Variants in SLC8A1 observed in about 807,000 individuals in gnomAD.
SLC8A1 encodes the protein solute carrier family 8 member A1.
A neutral mutation model predicts 68.3 loss-of-function variants in SLC8A1; 18 were observed. The ratio of observed to expected loss-of-function variants is 0.26; its 90% CI spans 0.18 to 0.39. The LOEUF (loss-of-function observed/expected upper bound fraction) is 0.39. Ranked by LOEUF, SLC8A1 falls within the 10% of genes least tolerant of loss-of-function variation. The pLI is 1.00. For synonymous variants in SLC8A1, 475 were observed against 415.5 expected, an observed-to-expected ratio of 1.14 and a Z score of -1.74; for missense variants, 985 against 1,156.7, an observed-to-expected ratio of 0.85 and a Z score of 2.15.
chr2:40,510,961 A>G (rs752967198), intron 1 of SLC8A1, among the ~76,000 whole-genome samples: 3 of 152,144 alleles, frequency 2.0e-5, no homozygotes, highest in Non-Finnish European at 4.4e-5. Context: ...AAACCACCAC[A>G]TAAGTAGTCA....
exon 8 of SLC8A1, chr2:40,102,728 G>A (rs1462493150): frequency 6.6e-6 from 1 of 152,136 alleles, no homozygotes; most frequent in Non-Finnish European, 1.5e-5. Context: ...GACATCCGCT[G>A]AAAATGCTTA....
At chr2:40,138,523 A>G (rs774473698) in intron 7 of SLC8A1, among the ~76,000 whole-genome samples, 1 of 152,162 alleles carries the variant, frequency 6.6e-6, no homozygotes, top group Non-Finnish European at 1.5e-5. Flanking sequence ...TCAAGATGCT[A>G]ATTAGTGCTG....
At chr2:40,173,704 G>T (rs1438503169) in intron 4 of SLC8A1, among the ~76,000 whole-genome samples, 1 of 146,976 alleles carries the variant, frequency 6.8e-6, no homozygotes, top group African/African-American at 2.5e-5. Flanking sequence ...TTTTTGTTCA[G>T]ATCTCTGATT....
intron 2 of SLC8A1, among the ~76,000 whole-genome samples, chr2:40,314,097 A>T (rs1267951677): frequency 6.6e-6 from 1 of 152,070 alleles, no homozygotes; most frequent in Non-Finnish European, 1.5e-5. Context: ...AAGTTCTCAA[A>T]GACTTTCTTC....
chr2:40,350,620 A>AAAG (rs1559348315), intron 2 of SLC8A1, among the ~76,000 whole-genome samples: 3 of 128,430 alleles, frequency 2.3e-5, no homozygotes, highest in Non-Finnish European at 4.8e-5. Context: ...AAAAAAAAAA[A>AAAG]GGCATTTCCA....
intron 2 of SLC8A1, among the ~76,000 whole-genome samples, chr2:40,278,229 G>C (rs927034972): frequency 6.6e-6 from 1 of 152,126 alleles, no homozygotes; most frequent in Non-Finnish European, 1.5e-5. Flanking sequence ...CCAGCACTTT[G>C]GGAGGCCGAG....
At chr2:40,446,010 A>C (rs911542961) in intron 1 of SLC8A1, among the ~76,000 whole-genome samples, 2 of 152,212 alleles carry the variant, frequency 1.3e-5, no homozygotes, top group Non-Finnish European at 2.9e-5. Flanking sequence ...ACAGCAGAGA[A>C]CCAAAGGGTG....
At chr2:40,399,595 T>C (rs889124537) in intron 2 of SLC8A1, among the ~76,000 whole-genome samples, 4 of 152,108 alleles carry the variant, frequency 2.6e-5, no homozygotes, top group Non-Finnish European at 5.9e-5. Flanking sequence ...TGAAAAACCA[T>C]CTAAATGCTC....
At position 40,348,808 on chromosome 2, in the gene SLC8A1, T is replaced by A. The variant is rs1219065761; in HGVS notation, c.1808+79665A>T. ...CGGTATTCAGTCTGGAGGAAAGAAG[T>A]GGGTCAGTCTCCCCACAGTCGTAAC... On this transcript the variant is annotated intron_variant, in intron 2 of 7. Transcript: ENST00000406785. Among the ~76,000 whole-genome samples, 3 of 152,248 alleles carry A rather than the reference T, an allele frequency of 2.0e-5. No homozygotes were observed. The East Asian group carries it at 5.8e-4, about 29-fold the overall frequency.
intron 2 of SLC8A1, among the ~76,000 whole-genome samples, chr2:40,418,854 T>C (rs995696526): frequency 3.3e-5 from 5 of 152,156 alleles, no homozygotes; most frequent in African/African-American, 1.2e-4. Context: ...GAGAGCCCTG[T>C]AGTTTTCTTC....
chr2:40,211,589 C>T (rs2056595718), intron 2 of SLC8A1, among the ~76,000 whole-genome samples: 1 of 152,094 alleles, frequency 6.6e-6, no homozygotes, highest in Non-Finnish European at 1.5e-5. Context: ...GAAAAGAATC[C>T]CTCAGGGACA....
rs1301825448 is a variant in SLC8A1 at position 40,428,208 on chromosome 2, G to A, written c.1808+265C>T. Among the ~76,000 whole-genome samples the A allele has an allele frequency of 2.0e-4, 30 of 151,976 alleles. 1 individual carries two copies. Among genetic ancestry groups the A allele is most frequent in the Admixed American group, 2.0e-3 (30 of 15,228 alleles). On this transcript the variant is annotated intron_variant, in intron 2 of 7. Transcript: ENST00000406785. ...GTGTCCCATCACTCATTTTATCATA[G>A]TCACAATGTAGTTAAAATGTGTAAA...
intron 2 of SLC8A1, among the ~76,000 whole-genome samples, chr2:40,344,919 A>G (rs1668785306): frequency 6.6e-6 from 1 of 151,992 alleles, no homozygotes; most frequent in Non-Finnish European, 1.5e-5. Context: ...TTCCTCTCAC[A>G]CCCACATTAG....
intron 2 of SLC8A1, among the ~76,000 whole-genome samples, chr2:40,240,197 C>G (rs1313334463): frequency 6.6e-6 from 1 of 152,184 alleles, no homozygotes; most frequent in Non-Finnish European, 1.5e-5. Flanking sequence ...AAATGATTAT[C>G]CCTAGATACA....
In SLC8A1 at chr2:40,410,333, A is replaced by C. The variant is rs974083605; in HGVS notation, c.1808+18140T>G. The stretch of plus-strand genomic sequence containing the variant: ...CTGGCCAAATTAGGAGGAAAATAAC[A>C]TCCAGCGCTAGGGATCACATTGAAA... On this transcript the variant is annotated intron_variant, in intron 2 of 7. Transcript: ENST00000406785. Among the ~76,000 whole-genome samples, 3 of 152,118 alleles carry C rather than the reference A, an allele frequency of 2.0e-5. No individual in the cohort carries two copies. In the East Asian group the frequency reaches 5.8e-4, roughly 29 times the overall value.
chr2:40,391,393 C>G (rs1284986707), intron 2 of SLC8A1, among the ~76,000 whole-genome samples: 3 of 151,940 alleles, frequency 2.0e-5, no homozygotes, highest in Non-Finnish European at 4.4e-5. Context: ...GCATATGGAA[C>G]TAGAAATACT....
At chr2:40,448,718 T>A (rs919317947) in intron 1 of SLC8A1, among the ~76,000 whole-genome samples, 1 of 152,002 alleles carries the variant, frequency 6.6e-6, no homozygotes, top group Admixed American at 6.6e-5. Context: ...GACCATTTGG[T>A]AGGGGTTATG....
chr2:40,123,376 G>A (rs2037351737), intron 7 of SLC8A1: 1 of 152,210 alleles, frequency 6.6e-6, no homozygotes, highest in African/African-American at 2.4e-5. Context: ...AGATTAAGAA[G>A]GAGCTATTTT....
At chr2:40,124,541 G>C (rs981120110) in intron 7 of SLC8A1, among the ~76,000 whole-genome samples, 1 of 152,114 alleles carries the variant, frequency 6.6e-6, no homozygotes, top group African/African-American at 2.4e-5. Flanking sequence ...GCTGTGATTT[G>C]GTGTAAAATT....
Sources: gnomAD v4.1 joint callset for allele counts (sites outside exome capture counted in the v4.1 genomes callset) on GRCh38, gnomAD v4.1.1 for gene constraint, MANE v1.5 for transcripts, NCBI Gene and HGNC (gene_info 2026-07-23, HGNC 2026-07-21) for gene names.